The following FIGNL1 variants were observed in gnomAD, a reference collection of about 807,000 sequenced individuals.
FIGNL1 encodes fidgetin like 1.
In FIGNL1, 11 loss-of-function variants were observed where a neutral mutation model predicts 28.9. The ratio of observed to expected loss-of-function variants is 0.38; its 90% CI spans 0.24 to 0.63. The LOEUF (loss-of-function observed/expected upper bound fraction) is 0.63, where lower values mean the gene tolerates loss of function less well. Among genes scored for constraint, FIGNL1 ranks in the 20% least tolerant of loss-of-function variants. FIGNL1 has a pLI of 0.57. For missense variants in FIGNL1, 789 were observed against 810.4 expected, an observed-to-expected ratio of 0.97 and a Z score of 0.32; for synonymous variants, 295 against 276.5, an observed-to-expected ratio of 1.07 and a Z score of -0.66.
chr7:50,445,664 C>T lies in FIGNL1; in HGVS notation c.1624G>A (p.Val542Met), dbSNP rs1820577832. ...TTSSEDRILV[V>M]GATNRPQEID... ...TCTTGTGGCCGATTTGTTGCTCCCA[C>T]CACTAGGATACGATCTTCAGAAGAT... The change falls in exon 4 of 4, where the codon GTG (valine) becomes ATG (methionine). Residue 542 changes from valine (V) to methionine (M), a missense_variant. Val to Met is a conservative substitution (Grantham distance 21, BLOSUM62 1). Transcript: ENST00000433017. 3 of 1,614,076 alleles carry T rather than the reference C, an allele frequency of 1.9e-6. No individual in the cohort carries two copies. The highest frequency in any genetic ancestry group is 2.5e-6 in the Non-Finnish European group (3 of 1,180,006).
chr7:50,446,967 A>C lies in FIGNL1; in HGVS notation c.321T>G (p.Asn107Lys). ...GTACACTACTCATTTTGAAAACATT[A>C]TTTATTGACAATCCAGACTGCCACT... ...SDKWQSGLSI[N>K]NVFKMSSVQK... Residue 107 changes from asparagine (N) to lysine (K), a missense_variant, in exon 4 of 4, where the codon AAT becomes AAG. Asn to Lys is a moderately conservative substitution (Grantham distance 94). Coordinates refer to ENST00000433017, the MANE Select transcript of FIGNL1 (RefSeq NM_001287492.4). The C allele has an allele frequency of 6.2e-7, 1 of 1,614,220 alleles. No individual in the cohort carries two copies. Among genetic ancestry groups the C allele is most frequent in the Non-Finnish European group, 8.5e-7 (1 of 1,180,036 alleles).
rs748147882 is a variant in FIGNL1 at position 50,446,780 on chromosome 7, G to A, written c.508C>T (p.Arg170Ter). The change falls in exon 4 of 4, where the codon CGA becomes TGA. Residue 170 changes from arginine to a stop codon, truncating the protein, a stop_gained. Coordinates refer to ENST00000433017, the MANE Select transcript of FIGNL1 (RefSeq NM_001287492.4). LOFTEE classifies it low-confidence loss of function (END_TRUNC). ...TCCGGGAAGTCTTGGGTCCGGTCTC[G>A]ATCATGAGCTGAGTTAGGTAATGAG... ...SDSLPNSAHD[R>*]DRTQDFPESN... The A allele has an allele frequency of 9.9e-6, 16 of 1,614,086 alleles. No individual in the cohort carries two copies. The highest frequency in any genetic ancestry group is 1.1e-5 in the Non-Finnish European group (13 of 1,180,028).
chr7:50,446,436 A>G lies in FIGNL1; in HGVS notation c.852T>C (p.Asn284=), dbSNP rs1180618232. ...GCAGGCTGCTATCCTCCTTTGGGCCATTATCTTCTGTTTTACTACAAGCCT... is the reference window on the plus strand; with the variant it reads ...GCAGGCTGCTATCCTCCTTTGGGCCGTTATCTTCTGTTTTACTACAAGCCT... The part of the protein sequence containing the change: ...LNKACSKTED[N]GPKEDSSLPT... Residue 284 remains asparagine, a synonymous_variant, in exon 4 of 4, where the codon AAT becomes AAC. Transcript: ENST00000433017. 27 of 1,614,122 alleles carry G rather than the reference A, an allele frequency of 1.7e-5. No individual in the cohort carries two copies. Among genetic ancestry groups the G allele is most frequent in the Non-Finnish European group, 2.2e-5 (26 of 1,180,032 alleles).
rs1009029784 is a variant in FIGNL1, at chr7:50,445,589, G to A, written c.1699C>T (p.Leu567Phe). 10 of 1,614,072 alleles carry A rather than the reference G, an allele frequency of 6.2e-6. No homozygotes were observed. Among genetic ancestry groups the A allele is most frequent in the Non-Finnish European group, 5.9e-6 (7 of 1,180,034 alleles). The change falls in exon 4 of 4, where the codon CTC (leucine) becomes TTC (phenylalanine). Residue 567 changes from leucine to phenylalanine, a missense_variant. Physicochemically the swap from Leu to Phe is conservative, Grantham distance 22. Coordinates refer to ENST00000433017, the MANE Select transcript of FIGNL1 (RefSeq NM_001287492.4). The part of the protein sequence containing the change: ...RRLVKRLYIP[L>F]PEASARKQIV... The stretch of plus-strand genomic sequence containing the variant: ...TGTTTCCTGGCTGAAGCTTCTGGGA[G>A]GGGAATATAAAGCCTTTTCACCAAT...
rs556446618 is a variant in FIGNL1, at chr7:50,446,596, G to A, written c.692C>T (p.Ser231Phe). ...FGNVKKENHSSAKENIGLNVF... is the reference protein window; with the variant it reads ...FGNVKKENHSFAKENIGLNVF... ...ATTAAGTCCTATGTTTTCTTTTGCA[G>A]AGCTGTGATTTTCCTTTTTGACATT... The change falls in exon 4 of 4, where the codon TCT (serine) becomes TTT (phenylalanine). Residue 231 changes from serine (S) to phenylalanine (F), a missense_variant. Transcript: ENST00000433017. The A allele has an allele frequency of 2.2e-5, 36 of 1,614,142 alleles. No homozygotes were observed. The highest frequency in any genetic ancestry group is 2.1e-4 in the South Asian group (19 of 91,084).
chr7:50,449,838 T>C (rs1821672432), intron 1 of FIGNL1, 115 bp from the exon 2 acceptor site: 1 of 152,286 alleles, frequency 6.6e-6, no homozygotes, highest in Non-Finnish European at 1.5e-5. Flanking sequence ...CTTCTTCTGA[T>C]TCCTCACGAT....
chr7:50,446,618 C>T lies in FIGNL1; in HGVS notation c.670G>A (p.Val224Ile). The change falls in exon 4 of 4, where the codon GTC becomes ATC. Residue 224 changes from valine to isoleucine, a missense_variant. Physicochemically the swap from Val to Ile is conservative, Grantham distance 29 (BLOSUM62 3). Transcript: ENST00000433017. Reference sequence around the variant, plus strand: ...GCAGAGCTGTGATTTTCCTTTTTGACATTTCCAAACAATGGTGTGACATGG... The same window carrying T: ...GCAGAGCTGTGATTTTCCTTTTTGATATTTCCAAACAATGGTGTGACATGG... ...KFHVTPLFGN[V>I]KKENHSSAKE... The T allele has an allele frequency of 4.3e-6, 7 of 1,614,146 alleles. No individual in the cohort carries two copies. Among genetic ancestry groups the T allele is most frequent in the East Asian group, 2.2e-5 (1 of 44,888 alleles).
At position 50,446,598 on chromosome 7, in the gene FIGNL1, G is replaced by C. The variant is rs760598195; in HGVS notation, c.690C>G (p.Ser230Arg). The C allele has an allele frequency of 1.2e-6, 2 of 1,614,134 alleles. No homozygotes were observed. Among genetic ancestry groups the C allele is most frequent in the East Asian group, 4.5e-5 (2 of 44,892 alleles). The change falls in exon 4 of 4, where the codon AGC becomes AGG. Residue 230 changes from serine (S) to arginine (R), a missense_variant. Coordinates refer to ENST00000433017, the MANE Select transcript of FIGNL1 (RefSeq NM_001287492.4). ...TAAGTCCTATGTTTTCTTTTGCAGA[G>C]CTGTGATTTTCCTTTTTGACATTTC... is the stretch of plus-strand genomic sequence containing the variant. ...LFGNVKKENH[S>R]SAKENIGLNV...
At position 50,448,300 on chromosome 7, in the gene FIGNL1, G is replaced by C. The variant is rs1399836666; in HGVS notation, c.-119-11C>G. On this transcript the variant is annotated splice_polypyrimidine_tract_variant and intron_variant, in intron 2 of 3. Coordinates refer to ENST00000433017, the MANE Select transcript of FIGNL1 (RefSeq NM_001287492.4). ...CTTGATGCTGCTATCCTAGGTCACAGATTGAACAGCATGGATCACAAATTT... is the reference window on the plus strand; with the variant it reads ...CTTGATGCTGCTATCCTAGGTCACACATTGAACAGCATGGATCACAAATTT... 2.6e-5 allele frequency: 4 copies of C among 152,186 alleles called. No individual in the cohort carries two copies. The highest frequency in any genetic ancestry group is 5.9e-5 in the Non-Finnish European group (4 of 68,030). 9.4% of individuals were successfully genotyped at this position (152,186 alleles called of 1,614,324 possible). A position where few individuals can be genotyped will look rare whatever the true frequency, so the allele number is the denominator to read the frequency against.
At position 50,444,165 on chromosome 7, in the gene FIGNL1, T is replaced by C. The variant is rs1182886044; in HGVS notation, c.*1098A>G. On this transcript the variant is annotated 3_prime_UTR_variant, in exon 4 of 4. Coordinates refer to ENST00000433017, the MANE Select transcript of FIGNL1 (RefSeq NM_001287492.4). Reference sequence around the variant, plus strand: ...AGTGCATATTCTTTAATCCAGGAATTACTCAAGAAATTTATACATTTTTTA... The same window carrying C: ...AGTGCATATTCTTTAATCCAGGAATCACTCAAGAAATTTATACATTTTTTA... The C allele has an allele frequency of 1.3e-5, 2 of 152,222 alleles. No individual in the cohort carries two copies. Among genetic ancestry groups the C allele is most frequent in the African/African-American group, 4.8e-5 (2 of 41,450 alleles). The allele number at this position is 152,222 out of a possible 1,614,324, so 9.4% of individuals were successfully genotyped here. A position where few individuals can be genotyped will look rare whatever the true frequency, so the allele number is the denominator to read the frequency against.
chr7:50,448,535 C>T (rs1022797266), intron 2 of FIGNL1: 15 of 152,200 alleles, frequency 9.9e-5, no homozygotes, highest in African/African-American at 3.6e-4. Context: ...TAAGCTTCCT[C>T]ACATTGTTAC....
At chr7:50,447,413 A>G in intron 3 of FIGNL1, 116 bp from the exon 4 acceptor site, 1 of 690,092 alleles carries the variant, frequency 1.4e-6, no homozygotes, top group Non-Finnish European at 2.4e-6. Flanking sequence ...TTTTATTTAT[A>G]ATGTAGATTT....
At position 50,445,195 on chromosome 7, in the gene FIGNL1, C is replaced by A; in HGVS notation, c.*68G>T. 3 of 970,932 alleles carry A rather than the reference C, an allele frequency of 3.1e-6. No individual in the cohort carries two copies. The highest frequency in any genetic ancestry group is 4.3e-5 in the South Asian group (2 of 46,038). 60.1% of individuals were successfully genotyped at this position (970,932 alleles called of 1,614,324 possible). On this transcript the variant is annotated 3_prime_UTR_variant, in exon 4 of 4. Coordinates refer to ENST00000433017, the MANE Select transcript of FIGNL1 (RefSeq NM_001287492.4). ...TTCTTAAAAATACAATTAACACATC[C>A]CCAACTTTCTATGCTAAAAAATAAA... is the stretch of plus-strand genomic sequence containing the variant.
intron 3 of FIGNL1, among the ~76,000 whole-genome samples, chr7:50,447,683 A>G (rs898087027): frequency 1.2e-4 from 18 of 152,232 alleles, no homozygotes; most frequent in South Asian, 1.0e-3. Context: ...CTATAAAACT[A>G]GGTGAATGAG....
In FIGNL1 at chr7:50,445,191, C is replaced by A; in HGVS notation, c.*72G>T. 2.2e-6 allele frequency: 2 copies of A among 905,354 alleles called. No individual in the cohort carries two copies. The highest frequency in any genetic ancestry group is 1.6e-6 in the Non-Finnish European group (1 of 616,808). The allele number at this position is 905,354 out of a possible 1,614,324, so 56.1% of individuals were successfully genotyped here. A position where few individuals can be genotyped will look rare whatever the true frequency, so the allele number is the denominator to read the frequency against. ...TATATTCTTAAAAATACAATTAACA[C>A]ATCCCCAACTTTCTATGCTAAAAAA... On this transcript the variant is annotated 3_prime_UTR_variant, in exon 4 of 4. Coordinates refer to ENST00000433017, the MANE Select transcript of FIGNL1 (RefSeq NM_001287492.4).
At position 50,445,397 on chromosome 7, in the gene FIGNL1, T is replaced by G. The variant is rs138265417; in HGVS notation, c.1891A>C (p.Ile631Leu). The G allele has an allele frequency of 6.2e-7, 1 of 1,614,248 alleles. No individual in the cohort carries two copies. The highest frequency in any genetic ancestry group is 2.2e-5 in the East Asian group (1 of 44,892). Residue 631 changes from isoleucine (I) to leucine (L), a missense_variant, in exon 4 of 4, where the codon ATA becomes CTA. Ile to Leu is a conservative substitution (Grantham distance 5). Transcript: ENST00000433017. ...RSLQTADIAT[I>L]TPDQVRPIAY... is the part of the protein sequence containing the mutation. ...ATGGGTCGAACTTGATCCGGTGTTA[T>G]GGTAGCAATGTCAGCAGTTTGTAAA...
intron 3 of FIGNL1, chr7:50,447,951 G>A (rs1821327827): frequency 6.6e-6 from 1 of 152,162 alleles, no homozygotes; most frequent in African/African-American, 2.4e-5. Context: ...TAGTCAGGCT[G>A]GTCTTGAACT....
Position 50,447,088 on chromosome 7 carries a change from G to A in FIGNL1, c.200C>T (p.Ser67Phe). Residue 67 changes from serine (S) to phenylalanine (F), a missense_variant, in exon 4 of 4, where the codon TCT (serine) becomes TTT (phenylalanine). By Grantham distance (155) the Ser-to-Phe change is radical (BLOSUM62 -2). Coordinates refer to ENST00000433017, the MANE Select transcript of FIGNL1 (RefSeq NM_001287492.4). ...KLFKKYAEKY[S>F]AIIDSDNVES... ...AACATTGTCAGAATCAATAATTGCA[G>A]AATATTTCTCTGCATATTTTTTGAA... 6.2e-7 allele frequency: 1 copy of A among 1,614,214 alleles called. No individual in the cohort carries two copies. The highest frequency in any genetic ancestry group is 8.5e-7 in the Non-Finnish European group (1 of 1,180,040).
In FIGNL1 at chr7:50,445,545, C is replaced by CATT. The variant is rs1297807768; in HGVS notation, c.1740_1742dup (p.Leu580_Met581insIle). On this transcript the variant is annotated inframe_insertion, in exon 4 of 4. Coordinates refer to ENST00000433017, the MANE Select transcript of FIGNL1 (RefSeq NM_001287492.4). Reference sequence around the variant, plus strand: ...CACTGAGGCAACACTGCTCTTTGGACATTAGATTAATTACTATCTGTTTCC... The same window carrying CATT: ...CACTGAGGCAACACTGCTCTTTGGACATTATTAGATTAATTACTATCTGTTTCC... The CATT allele has an allele frequency of 6.2e-7, 1 of 1,614,204 alleles. No homozygotes were observed.
Sources: gnomAD v4.1 joint callset for allele counts (sites outside exome capture counted in the v4.1 genomes callset) on GRCh38, gnomAD v4.1.1 for gene constraint, MANE v1.5 for transcripts, NCBI Gene and HGNC (gene_info 2026-07-23, HGNC 2026-07-21) for gene names.